Variants in USP36 observed in about 807,000 individuals in gnomAD.
The protein encoded by USP36 is ubiquitin carboxyl-terminal hydrolase 36.
USP36 carries 59 observed loss-of-function variants against 111.5 expected under a neutral mutation model. That is an observed-to-expected ratio of 0.53 (90% CI 0.43 to 0.66). USP36 has a LOEUF of 0.66. Ranked by LOEUF, USP36 falls within the 30% of genes least tolerant of loss-of-function variation. USP36 has a pLI of 0.00. For missense variants in USP36, 1,488 were observed against 1,468.0 expected, an observed-to-expected ratio of 1.01 and a Z score of -0.22; for synonymous variants, 628 against 581.0, an observed-to-expected ratio of 1.08 and a Z score of -1.16.
chr17:78,826,931 T>G, intron 6 of USP36: 1 of 600,918 alleles, frequency 1.7e-6, no homozygotes, highest in Non-Finnish European at 3.0e-6. Context: ...TGAATGCCCC[T>G]AAGAAGGTCT....
intron 16 of USP36, 25 bp from the exon 17 acceptor site, chr17:78,802,560 T>G (rs1598981139): frequency 6.3e-7 from 1 of 1,590,336 alleles, no homozygotes. Flanking sequence ...GAGGCAGCAG[T>G]CAGCTCTGAG....
chr17:78,788,923 G>C (rs1044541300), intron 3 of USP36, among the ~76,000 whole-genome samples: 24 of 152,262 alleles, frequency 1.6e-4, no homozygotes, highest in Admixed American at 1.3e-3. Context: ...GATGAGGCCA[G>C]GTGCGGTGAC....
At chr17:78,809,995 C>G (rs1399655765) in intron 13 of USP36, among the ~76,000 whole-genome samples, 1 of 151,892 alleles carries the variant, frequency 6.6e-6, no homozygotes, top group Non-Finnish European at 1.5e-5. Context: ...TACAGGCGCA[C>G]GCCACCATGC....
chr17:78,812,020 C>G (rs1447129183), intron 13 of USP36, among the ~76,000 whole-genome samples: 1 of 152,062 alleles, frequency 6.6e-6, no homozygotes, highest in East Asian at 1.9e-4. Context: ...GAGACCCTGT[C>G]TCTACACAAA....
At chr17:78,828,205 C>A (rs1288443002) in intron 5 of USP36, among the ~76,000 whole-genome samples, 1 of 152,198 alleles carries the variant, frequency 6.6e-6, no homozygotes, top group African/African-American at 2.4e-5. Flanking sequence ...AAGAGCAAAA[C>A]CCTGTCTCAA....
chr17:78,825,517 C>A (rs115083683), intron 6 of USP36, among the ~76,000 whole-genome samples: 1 of 152,246 alleles, frequency 6.6e-6, no homozygotes, highest in East Asian at 1.9e-4. Flanking sequence ...CCACCTGACA[C>A]CTGGCCTCCC....
intron 1 of USP36, chr17:78,840,401 T>C (rs924158299): frequency 1.3e-5 from 2 of 151,910 alleles, no homozygotes; most frequent in Admixed American, 6.5e-5. Flanking sequence ...GACTTCAACC[T>C]CTCCGAAGTT....
chr17:78,835,013 A>G (rs1332443228), intron 4 of USP36, among the ~76,000 whole-genome samples: 1 of 150,082 alleles, frequency 6.7e-6, no homozygotes, highest in Non-Finnish European at 1.5e-5. Context: ...ATATATATAT[A>G]TATATTTTGG....
At chr17:78,806,102 C>T (rs376357967) in intron 15 of USP36, 54 bp downstream of exon 15, 385 of 1,608,184 alleles carry the variant, frequency 2.4e-4, no homozygotes, top group Non-Finnish European at 3.2e-4. Context: ...GCCAAGCACA[C>T]GCAACCACAG....
chr17:78,828,939 C>T lies in USP36; in HGVS notation c.544G>A (p.Gly182Ser), dbSNP rs199886203. The T allele has an allele frequency of 7.4e-6, 12 of 1,614,148 alleles. No individual in the cohort carries two copies. Among genetic ancestry groups the T allele is most frequent in the South Asian group, 3.3e-5 (3 of 91,082 alleles). ...NHIVQAFANS[G>S]NAIKPVSFIR... ...AAGGAGACGGGCTTGATGGCGTTGC[C>T]GCTGTTGGCGAAGGCCTGGACAATG... is the stretch of plus-strand genomic sequence containing the variant. Residue 182 changes from glycine (G) to serine (S), a missense_variant, in exon 5 of 21, where the codon GGC becomes AGC. Gly to Ser is a moderately conservative substitution (Grantham distance 56). Around this residue, in one of 3 missense-constraint regions of USP36, gnomAD observed 196 missense variants for 264.4 expected, o/e 0.74. Coordinates refer to ENST00000449938, the MANE Select transcript of USP36 (RefSeq NM_001385174.1).
At chr17:78,817,994 G>A (rs1357196027) in intron 10 of USP36, among the ~76,000 whole-genome samples, 6 of 152,090 alleles carry the variant, frequency 3.9e-5, no homozygotes, top group Non-Finnish European at 7.4e-5. Flanking sequence ...CTAAGGCAGG[G>A]GGATCGCTTG....
At chr17:78,816,038 C>T (rs1446019602) in intron 10 of USP36, among the ~76,000 whole-genome samples, 2 of 152,134 alleles carry the variant, frequency 1.3e-5, no homozygotes, top group Admixed American at 6.5e-5. Flanking sequence ...AGTAATAGTG[C>T]CTGGCATGGC....
Position 78,798,692 on chromosome 17 carries a change from T to C in USP36, c.3241-141A>G, listed in dbSNP as rs3744799. ...GACCCACTCTTCACAATGACCCCTGTGCACGGCGACCTGCAGTCCCCCTAT... is the reference window on the plus strand; with the variant it reads ...GACCCACTCTTCACAATGACCCCTGCGCACGGCGACCTGCAGTCCCCCTAT... On this transcript the variant is annotated intron_variant, in intron 19 of 20. Coordinates refer to ENST00000449938, the MANE Select transcript of USP36 (RefSeq NM_001385174.1). This position sits in a 1 kb window ranked among gnomAD's most constrained non-coding sequence, Gnocchi z 5.1. 777,357 of 1,364,334 alleles carry C rather than the reference T, an allele frequency of 0.57. 223,217 individuals are homozygous for C. Among genetic ancestry groups the C allele is most frequent in the East Asian group, 0.62 (26,804 of 43,540 alleles). 84.5% of individuals were successfully genotyped at this position (1,364,334 alleles called of 1,614,324 possible).
chr17:78,832,088 A>G (rs1477294944), intron 4 of USP36, among the ~76,000 whole-genome samples: 3 of 152,202 alleles, frequency 2.0e-5, no homozygotes, highest in African/African-American at 7.2e-5. Flanking sequence ...GTAATTTAGG[A>G]AAATATAACT....
chr17:78,811,912 A>G (rs2094069015), intron 13 of USP36, among the ~76,000 whole-genome samples: 1 of 152,120 alleles, frequency 6.6e-6, no homozygotes, highest in South Asian at 2.1e-4. Context: ...GCTTACGGTT[A>G]AGAGTTTGCT....
At chr17:78,821,420 A>ATTTTTTT (rs1187233966) in intron 7 of USP36, 1 of 34,558 alleles carries the variant, frequency 2.9e-5, no homozygotes, top group African/African-American at 1.6e-4. Flanking sequence ...ATATATATAT[A>ATTTTTTT]TTTTTTTTTT....
chr17:78,788,356 G>C (rs940817270), intron 3 of USP36, among the ~76,000 whole-genome samples: 1 of 152,034 alleles, frequency 6.6e-6, no homozygotes, highest in Non-Finnish European at 1.5e-5. Flanking sequence ...GTAGAGACAG[G>C]GTTTCACCAT....
At chr17:78,816,822 AG>A (rs908265278) in intron 10 of USP36, among the ~76,000 whole-genome samples, 11 of 152,132 alleles carry the variant, frequency 7.2e-5, no homozygotes, top group Non-Finnish European at 1.5e-4. Flanking sequence ...TGAAATGCAT[AG>A]ATCTTCAGTA....
chr17:78,806,034 G>A, intron 15 of USP36, 122 bp downstream of exon 15: 3 of 1,531,880 alleles, frequency 2.0e-6, no homozygotes, highest in Non-Finnish European at 2.6e-6. Context: ...TGTACCTCCT[G>A]GCTGCCCCAA....
Sources: gnomAD v4.1 joint callset for allele counts (sites outside exome capture counted in the v4.1 genomes callset) on GRCh38, gnomAD v4.1.1 for gene constraint, gnomAD v4.1.1 regional missense constraint, Gnocchi (gnomAD v3.1) non-coding constraint, MANE v1.5 for transcripts, NCBI Gene and HGNC (gene_info 2026-07-23, HGNC 2026-07-21) for gene names.